Variants in NR5A2 observed in about 807,000 individuals in gnomAD.
NR5A2 encodes the protein nuclear receptor subfamily 5 group A member 2, also known as CYP7A promoter-binding factor.
A neutral mutation model predicts 62.7 loss-of-function variants in NR5A2; 26 were observed. That is an observed-to-expected ratio of 0.41 (90% CI 0.30 to 0.58). The LOEUF is 0.58. Among genes scored for constraint, NR5A2 ranks in the 20% least tolerant of loss-of-function variants. The pLI is 0.22. For missense variants in NR5A2, 541 were observed against 669.1 expected (o/e 0.81, Z 2.11); for synonymous variants, 246 against 241.7 (o/e 1.02, Z -0.16).
At chr1:200,140,990 C>A (rs2821341) in intron 7 of NR5A2, among the ~76,000 whole-genome samples, 90,604 of 151,694 alleles carry the variant, frequency 0.6, 27,561 homozygotes, top group East Asian at 0.72. Context: ...GAGGTCATGC[C>A]ATTGCACTCC....
intron 7 of NR5A2, among the ~76,000 whole-genome samples, chr1:200,125,797 T>C (rs1323340114): frequency 6.6e-6 from 1 of 152,226 alleles, no homozygotes; most frequent in African/African-American, 2.4e-5. Flanking sequence ...AAAGGGATTT[T>C]CAAAATGGAT....
chr1:200,139,057 T>C (rs760479223), intron 7 of NR5A2, among the ~76,000 whole-genome samples: 2 of 152,232 alleles, frequency 1.3e-5, no homozygotes, highest in Non-Finnish European at 2.9e-5. Context: ...ATCTTTCCTT[T>C]AGTCAGGTGT....
chr1:200,113,243 G>A (rs1431555449), intron 6 of NR5A2, among the ~76,000 whole-genome samples: 3 of 151,572 alleles, frequency 2.0e-5, no homozygotes, highest in Non-Finnish European at 4.4e-5. Flanking sequence ...CTTTAAATAT[G>A]TTTCCTGCAG....
At position 200,133,550 on chromosome 1, in the gene NR5A2, C is replaced by CAT. The variant is rs1178773232; in HGVS notation, c.1378+12601_1378+12602dup. Among the ~76,000 whole-genome samples, 26 of 45,750 alleles carry CAT rather than the reference C, an allele frequency of 5.7e-4. No homozygotes were observed. In the South Asian group the frequency reaches 7.0e-3, roughly 12 times the overall value. 30.0% of individuals were successfully genotyped at this position (45,750 alleles called of 152,430 possible). A position where few individuals can be genotyped will look rare whatever the true frequency, so the allele number is the denominator to read the frequency against. ...ATACACACACATATATATATATACA[C>CAT]ATATATACACACATATATATATACA... On this transcript the variant is annotated intron_variant, in intron 7 of 7. Transcript: ENST00000367362.
chr1:200,162,387 G>GC (rs144349112), intron 7 of NR5A2, among the ~76,000 whole-genome samples: 25,177 of 152,082 alleles, frequency 0.17, 2,511 homozygotes, highest in African/African-American at 0.28. Context: ...CCAGGTACTG[G>GC]CCAGGCACAT....
At chr1:200,113,713 A>G (rs1558147106) in intron 6 of NR5A2, among the ~76,000 whole-genome samples, 1 of 152,340 alleles carries the variant, frequency 6.6e-6, no homozygotes, top group Non-Finnish European at 1.5e-5. Context: ...AATTTTTTTG[A>G]GAATTATAAA....
chr1:200,100,863 C>T (rs1213376281), intron 5 of NR5A2, among the ~76,000 whole-genome samples: 1 of 152,168 alleles, frequency 6.6e-6, no homozygotes, highest in Non-Finnish European at 1.5e-5. Flanking sequence ...GAAATCATGT[C>T]AGTAATGGGC....
At chr1:200,064,667 A>G (rs888564272) in intron 5 of NR5A2, among the ~76,000 whole-genome samples, 1 of 152,190 alleles carries the variant, frequency 6.6e-6, no homozygotes, top group African/African-American at 2.4e-5. Context: ...CCAGGGACAT[A>G]TGCCCACCAC....
intron 6 of NR5A2, among the ~76,000 whole-genome samples, chr1:200,118,901 C>G (rs1220688607): frequency 6.6e-6 from 1 of 152,142 alleles, no homozygotes; most frequent in South Asian, 2.1e-4. Context: ...AGGTACTGAC[C>G]CTTCTTTCAC....
At chr1:200,149,687 G>A (rs1667898842) in intron 7 of NR5A2, among the ~76,000 whole-genome samples, 1 of 152,330 alleles carries the variant, frequency 6.6e-6, no homozygotes, top group Admixed American at 6.5e-5. Context: ...CCATACGCCA[G>A]CAGTGTGTGT....
intron 7 of NR5A2, 52 bp from the exon 8 acceptor site, chr1:200,173,911 G>GAATTGAA: frequency 7.2e-7 from 1 of 1,393,962 alleles, no homozygotes; most frequent in Non-Finnish European, 9.4e-7. Flanking sequence ...TAGTAAACAG[G>GAATTGAA]AATTGAAATG....
rs913181974 is a variant in NR5A2, at chr1:200,147,352, G to T, written c.1378+26397G>T. 2.6e-5 allele frequency among the ~76,000 whole-genome samples: 4 copies of T among 152,194 alleles called. No homozygotes were observed. Among genetic ancestry groups the T allele is most frequent in the African/African-American group, 9.6e-5 (4 of 41,452 alleles). ...TCCAGCAAAGCTCGGCCTACATGGA[G>T]GTTTGCTGACTCCCCCAGGCCACCT... On this transcript the variant is annotated intron_variant, in intron 7 of 7. Coordinates refer to ENST00000367362, the MANE Select transcript of NR5A2 (RefSeq NM_205860.3). This position sits in a 1 kb window ranked among gnomAD's most constrained non-coding sequence, Gnocchi z 4.9.
chr1:200,043,909 C>CAGCT lies in NR5A2; in HGVS notation c.321+17_321+18insAGCT. The CAGCT allele has an allele frequency of 6.7e-7, 1 of 1,502,736 alleles. No homozygotes were observed. Among genetic ancestry groups the CAGCT allele is most frequent in the Non-Finnish European group, 9.2e-7 (1 of 1,083,640 alleles). 93.1% of individuals were successfully genotyped at this position (1,502,736 alleles called of 1,614,324 possible). ...AGCTGCAAGGTTTGCTCACACATTGCTACCTGAAAAATATAATGTCCAACA... is the reference window on the plus strand; with the variant it reads ...AGCTGCAAGGTTTGCTCACACATTGCAGCTTACCTGAAAAATATAATGTCCAACA... On this transcript the variant is annotated intron_variant, in intron 3 of 7. Transcript: ENST00000367362.
chr1:200,101,479 G>C (rs1665365879), intron 5 of NR5A2, among the ~76,000 whole-genome samples: 1 of 152,158 alleles, frequency 6.6e-6, no homozygotes, highest in Non-Finnish European at 1.5e-5. Flanking sequence ...CTTCATGAAA[G>C]AGTCACCCTA....
At chr1:200,074,736 C>CAAAAAAAAAAAAAAAAAAAAAAA (rs199556915) in intron 5 of NR5A2, among the ~76,000 whole-genome samples, 38 of 67,542 alleles carry the variant, frequency 5.6e-4, no homozygotes, top group South Asian at 7.0e-4. Context: ...GAGTCCATCT[C>CAAAAAAAAAAAAAAAAAAAAAAA]AAAAAAAAAA....
intron 7 of NR5A2, among the ~76,000 whole-genome samples, chr1:200,126,262 CCAAA>C (rs752982050): frequency 3.9e-5 from 6 of 152,130 alleles, no homozygotes; most frequent in Non-Finnish European, 8.8e-5. Context: ...AAGTCTGACC[CCAAA>C]CAAAGTTGGG....
At chr1:200,036,514 C>T (rs1022794134) in intron 1 of NR5A2, among the ~76,000 whole-genome samples, 8 of 152,198 alleles carry the variant, frequency 5.3e-5, no homozygotes, top group Non-Finnish European at 1.2e-4. Context: ...TGCCGCCGCC[C>T]CTGCCTCTGC....
chr1:200,075,801 A>G (rs1490318523), intron 5 of NR5A2, among the ~76,000 whole-genome samples: 3 of 152,140 alleles, frequency 2.0e-5, no homozygotes, highest in African/African-American at 7.2e-5. Context: ...AGTCTTTACG[A>G]GCCTTATATC....
chr1:200,090,367 C>T (rs1664759723), intron 5 of NR5A2, among the ~76,000 whole-genome samples: 1 of 152,170 alleles, frequency 6.6e-6, no homozygotes, highest in Non-Finnish European at 1.5e-5. Context: ...GAGTTAAAAA[C>T]AGAGATATGG....
Sources: allele counts gnomAD v4.1 joint callset (sites outside exome capture counted in the v4.1 genomes callset), GRCh38; gene constraint gnomAD v4.1.1; non-coding constraint Gnocchi (gnomAD v3.1); transcripts MANE v1.5; gene names NCBI Gene and HGNC (gene_info 2026-07-23, HGNC 2026-07-21).